Variants in PACSIN2 observed in about 807,000 individuals in gnomAD.
The protein encoded by PACSIN2 is protein kinase C and casein kinase substrate in neurons protein 2.
Under a neutral mutation model 63.8 loss-of-function variants are expected in PACSIN2, and 25 were observed. That is an observed-to-expected ratio of 0.39 (90% CI 0.29 to 0.55). The LOEUF (loss-of-function observed/expected upper bound fraction) is 0.55, where lower values mean the gene tolerates loss of function less well. PACSIN2 is among the 20% of genes least tolerant of loss of function. The probability of loss-of-function intolerance (pLI) is 0.62; values close to 1 mark genes in which losing one functional copy is unlikely to be tolerated. For synonymous variants in PACSIN2, 255 were observed against 256.2 expected, an observed-to-expected ratio of 1.00 and a Z score of 0.05; for missense variants, 518 against 646.9, an observed-to-expected ratio of 0.80 and a Z score of 2.16.
At chr22:42,968,236 T>C (rs116644175) in intron 1 of PACSIN2, among the ~76,000 whole-genome samples, 136 of 152,346 alleles carry the variant, frequency 8.9e-4, no homozygotes, top group African/African-American at 3.1e-3. Context: ...AACATCTGTT[T>C]CACTGTTGTT....
intron 4 of PACSIN2, among the ~76,000 whole-genome samples, chr22:42,889,997 A>C (rs1444845342): frequency 7.0e-6 from 1 of 142,260 alleles, no homozygotes; most frequent in Admixed American, 7.3e-5. Context: ...CAGAGCAGCC[A>C]AAGGGACTTT....
chr22:42,941,997 G>A (rs376967507), intron 1 of PACSIN2, among the ~76,000 whole-genome samples: 83 of 151,980 alleles, frequency 5.5e-4, no homozygotes, highest in African/African-American at 7.5e-4. Context: ...GGCTGGTCTC[G>A]AACTCTTGAC....
intron 8 of PACSIN2, among the ~76,000 whole-genome samples, chr22:42,877,255 G>A (rs751809634): frequency 4.6e-5 from 7 of 152,158 alleles, no homozygotes; most frequent in Non-Finnish European, 8.8e-5. Flanking sequence ...GAGACAGTCC[G>A]TCCAGAACAG....
chr22:42,871,412 A>C lies in PACSIN2; in HGVS notation c.1406T>G (p.Leu469Trp), dbSNP rs1928112574. ...EDEQGWCKGR[L>W]DNGQVGLYPA... ...GTATAGGCCAACTTGCCCGTTGTCC[A>C]AGCGTCCCTTGCACCAGCCCTGCTC... is the stretch of plus-strand genomic sequence containing the variant. The change falls in exon 11 of 11, where the codon TTG (leucine) becomes TGG (tryptophan). Residue 469 changes from leucine to tryptophan, a missense_variant. Physicochemically the swap from Leu to Trp is moderately conservative, Grantham distance 61. This residue lies in a region of PACSIN2 where 11 missense variants were observed against 34.6 expected (regional missense o/e 0.32). Coordinates refer to ENST00000263246, the MANE Select transcript of PACSIN2 (RefSeq NM_001184970.3). The surrounding 1 kb of genome is among the most constrained non-coding windows in gnomAD (Gnocchi z 5.4). 1 of 1,614,138 alleles carries C rather than the reference A, an allele frequency of 6.2e-7. No individual in the cohort carries two copies. Among genetic ancestry groups the C allele is most frequent in the Non-Finnish European group, 8.5e-7 (1 of 1,179,986 alleles).
In PACSIN2 at chr22:42,987,892, G is replaced by A. The variant is rs377037610; in HGVS notation, c.-78+27129C>T. 3.5e-4 allele frequency among the ~76,000 whole-genome samples: 54 copies of A among 152,192 alleles called. No individual in the cohort carries two copies. The East Asian group carries it at 9.0e-3, about 25-fold the overall frequency. Reference sequence around the variant, plus strand: ...GTAGTGGTTTATGTCTGTAATCCCAGCACTTTGGGAGGCTGAGGCGGGCAG... The same window carrying A: ...GTAGTGGTTTATGTCTGTAATCCCAACACTTTGGGAGGCTGAGGCGGGCAG... On this transcript the variant is annotated intron_variant, in intron 1 of 10. Coordinates refer to ENST00000263246, the MANE Select transcript of PACSIN2 (RefSeq NM_001184970.3).
intron 1 of PACSIN2, among the ~76,000 whole-genome samples, chr22:42,964,651 C>T (rs1920938223): frequency 6.6e-6 from 1 of 152,086 alleles, no homozygotes; most frequent in Non-Finnish European, 1.5e-5. Flanking sequence ...TCTACAGTTC[C>T]TATGTACCTG....
At chr22:42,964,752 G>GCT (rs1164744400) in intron 1 of PACSIN2, among the ~76,000 whole-genome samples, 5 of 152,132 alleles carry the variant, frequency 3.3e-5, no homozygotes, top group African/African-American at 1.2e-4. Context: ...AAAAGGAGCT[G>GCT]CTCTGACCAC....
intron 1 of PACSIN2, among the ~76,000 whole-genome samples, chr22:42,962,786 G>GC (rs1569329752): frequency 3.8e-5 from 5 of 131,394 alleles, no homozygotes; most frequent in Non-Finnish European, 6.4e-5. Flanking sequence ...GGGGGGGGGG[G>GC]GCGGCGCAGA....
At chr22:43,014,365 C>CACACACACA (rs1227376539) in intron 1 of PACSIN2, among the ~76,000 whole-genome samples, 8 of 9,386 alleles carry the variant, frequency 8.5e-4, no homozygotes, top group African/African-American at 3.5e-3. Flanking sequence ...CACACACACA[C>CACACACACA]CACCCCCCCC....
intron 3 of PACSIN2, among the ~76,000 whole-genome samples, chr22:42,892,300 G>A (rs944900547): frequency 3.3e-5 from 5 of 152,304 alleles, no homozygotes; most frequent in Admixed American, 3.3e-4. Context: ...AGTGCGCTGA[G>A]TCATGACAGA....
chr22:42,946,299 G>A (rs1439173277), intron 1 of PACSIN2, among the ~76,000 whole-genome samples: 2 of 152,244 alleles, frequency 1.3e-5, no homozygotes, highest in African/African-American at 4.8e-5. Flanking sequence ...TAAGGGGGAA[G>A]TAAGGACAAA....
At chr22:42,891,694 C>T (rs1175424390) in intron 3 of PACSIN2, among the ~76,000 whole-genome samples, 1 of 152,176 alleles carries the variant, frequency 6.6e-6, no homozygotes, top group Non-Finnish European at 1.5e-5. Flanking sequence ...GCGTGAGCCA[C>T]CGCGCCCGGC....
At chr22:42,965,672 T>C (rs1434049770) in intron 1 of PACSIN2, among the ~76,000 whole-genome samples, 1 of 152,150 alleles carries the variant, frequency 6.6e-6, no homozygotes, top group African/African-American at 2.4e-5. Context: ...CCTCTACCAA[T>C]GACTTTGGTA....
chr22:42,882,373 C>A, intron 6 of PACSIN2, 69 bp from the exon 7 acceptor site: 1 of 1,523,588 alleles, frequency 6.6e-7, no homozygotes, highest in East Asian at 2.3e-5. Context: ...AGCCCAGTGC[C>A]AGCCACAGCA....
intron 4 of PACSIN2, among the ~76,000 whole-genome samples, chr22:42,889,554 AAGACACAGAGAAAAGG>A (rs1237524544): frequency 6.6e-6 from 1 of 152,180 alleles, no homozygotes; most frequent in Non-Finnish European, 1.5e-5. Flanking sequence ...GACAAAAGCT[AAGACACAGAGAAAAGG>A]AGACACAGAG....
intron 1 of PACSIN2, among the ~76,000 whole-genome samples, chr22:42,972,043 C>T (rs931349124): frequency 4.0e-5 from 6 of 151,832 alleles, no homozygotes; most frequent in Admixed American, 2.6e-4. Flanking sequence ...GCCATGATGA[C>T]AATGGCGGTT....
chr22:42,984,288 T>C (rs1922455380), intron 1 of PACSIN2, among the ~76,000 whole-genome samples: 1 of 150,084 alleles, frequency 6.7e-6, no homozygotes, highest in South Asian at 2.1e-4. Flanking sequence ...TTAGCACTTT[T>C]TAAATAAAAT....
chr22:42,933,550 G>GTA (rs956630666), intron 1 of PACSIN2, among the ~76,000 whole-genome samples: 56 of 152,296 alleles, frequency 3.7e-4, no homozygotes, highest in African/African-American at 1.3e-3. Context: ...AGACCAAAAT[G>GTA]TATAACACCA....
chr22:42,895,874 C>A (rs538981509), intron 2 of PACSIN2, among the ~76,000 whole-genome samples: 1 of 152,194 alleles, frequency 6.6e-6, no homozygotes, highest in Non-Finnish European at 1.5e-5. Flanking sequence ...TTTAATGAAA[C>A]GGTTGTGTGG....
Sources: allele counts gnomAD v4.1 joint callset (sites outside exome capture counted in the v4.1 genomes callset), GRCh38; gene constraint gnomAD v4.1.1; regional missense constraint gnomAD v4.1.1; non-coding constraint Gnocchi (gnomAD v3.1); transcripts MANE v1.5; gene names NCBI Gene and HGNC (gene_info 2026-07-23, HGNC 2026-07-21).